Variants in JMJD1C observed in about 807,000 individuals in gnomAD.
The protein encoded by JMJD1C is jumonji domain containing 1C, also known as jumonji domain-containing protein 1C.
In JMJD1C, 31 loss-of-function variants were observed where a neutral mutation model predicts 245.3. The ratio of observed to expected loss-of-function variants is 0.13; its 90% CI spans 0.09 to 0.17. JMJD1C has a LOEUF of 0.17. Among genes scored for constraint, JMJD1C ranks in the 10% least tolerant of loss-of-function variants. JMJD1C has a pLI of 1.00. For synonymous variants in JMJD1C, 1,057 were observed against 1,017.4 expected, an observed-to-expected ratio of 1.04 and a Z score of -0.74; for missense variants, 2,691 against 3,000.2, an observed-to-expected ratio of 0.90 and a Z score of 2.41.
chr10:63,402,541 A>G (rs1209019750), intron 1 of JMJD1C, among the ~76,000 whole-genome samples: 1 of 152,138 alleles, frequency 6.6e-6, no homozygotes, highest in Admixed American at 6.5e-5. Context: ...TGTTTTCTTC[A>G]TGCCACTTTG....
At chr10:63,473,767 G>A (rs1304169560) in intron 1 of JMJD1C, among the ~76,000 whole-genome samples, 1 of 151,934 alleles carries the variant, frequency 6.6e-6, no homozygotes, top group African/African-American at 2.4e-5. Flanking sequence ...TTGGGGCCAG[G>A]CACAGTGGCT....
chr10:63,468,980 C>T (rs148848178), upstream of JMJD1C, among the ~76,000 whole-genome samples: 58 of 152,238 alleles, frequency 3.8e-4, no homozygotes, highest in East Asian at 9.1e-3. Context: ...AAAAAACCCA[C>T]AAACTATTTT....
intron 3 of JMJD1C, among the ~76,000 whole-genome samples, chr10:63,251,342 A>C (rs992950459): frequency 2.6e-5 from 4 of 152,212 alleles, no homozygotes; most frequent in African/African-American, 7.2e-5. Flanking sequence ...TACTAAAATA[A>C]ATGCATTGCA....
At chr10:63,491,383 A>G (rs916408538) in intron 1 of JMJD1C, among the ~76,000 whole-genome samples, 2 of 152,230 alleles carry the variant, frequency 1.3e-5, no homozygotes, top group African/African-American at 2.4e-5. Context: ...TTAGTATTCA[A>G]TAAGATATTA....
rs868680701 is a variant in JMJD1C at position 63,489,032 on chromosome 10, A to G, written n.113+32706T>C. 4.6e-5 allele frequency among the ~76,000 whole-genome samples: 7 copies of G among 152,214 alleles called. 1 individual carries two copies. The South Asian group carries it at 1.4e-3, about 32-fold the overall frequency. ...GATGTCATAGCTGGCATTACATCCT[A>G]GCAAAACACATTACTCATATGTTTG... On this transcript the variant is annotated intron_variant and non_coding_transcript_variant, in intron 1 of 3. Transcript: ENST00000633035.
At chr10:63,324,119 C>T (rs1053417370) in intron 2 of JMJD1C, among the ~76,000 whole-genome samples, 1 of 150,502 alleles carries the variant, frequency 6.6e-6, no homozygotes, top group Admixed American at 6.7e-5. Context: ...TCCTTCCCTA[C>T]TCAGTCTACT....
In JMJD1C at chr10:63,442,467, C is replaced by G. The variant is rs184036201; in HGVS notation, c.168+23028G>C. Among the ~76,000 whole-genome samples the G allele has an allele frequency of 1.0e-3, 152 of 152,234 alleles. 1 individual carries two copies. The highest frequency in any genetic ancestry group is 3.6e-3 in the African/African-American group (151 of 41,546). On this transcript the variant is annotated intron_variant, in intron 1 of 25. Coordinates refer to ENST00000399262, the MANE Select transcript of JMJD1C (RefSeq NM_032776.3). Reference sequence around the variant, plus strand: ...CTTATAAACTTCTAAAAAGAAGAGACTTAGGTCATTATATCATCTGTAACT... The same window carrying G: ...CTTATAAACTTCTAAAAAGAAGAGAGTTAGGTCATTATATCATCTGTAACT...
At chr10:63,431,934 C>G (rs1197940056) in intron 1 of JMJD1C, among the ~76,000 whole-genome samples, 2 of 152,196 alleles carry the variant, frequency 1.3e-5, no homozygotes, top group African/African-American at 2.4e-5. Flanking sequence ...ATCGCTTGAA[C>G]CCAGGGGACA....
chr10:63,221,384 A>G (rs1177700637), intron 3 of JMJD1C, among the ~76,000 whole-genome samples: 5 of 152,086 alleles, frequency 3.3e-5, no homozygotes. Context: ...ATTCTATCTG[A>G]TATGTACTTA....
At chr10:63,316,125 T>C (rs1004657903) in intron 2 of JMJD1C, among the ~76,000 whole-genome samples, 1 of 152,172 alleles carries the variant, frequency 6.6e-6, no homozygotes, top group African/African-American at 2.4e-5. Flanking sequence ...TGAGCTATGG[T>C]TGCACCACTG....
intron 1 of JMJD1C, chr10:63,427,606 C>A: frequency 2.9e-6 from 4 of 1,400,518 alleles, no homozygotes; most frequent in East Asian, 2.3e-5. Context: ...CAACCATGCC[C>A]GGCTGATGGT....
Position 63,206,641 on chromosome 10 carries a change from CCTG to C in JMJD1C, c.5025_5027del (p.Ser1675del). ...TCAGTTTACTTCTTTCTTTGGCACT[CCTG>C]CTGAGAACTCCATTGGGTTTCAAAT... On this transcript the variant is annotated inframe_deletion, in exon 10 of 26. Coordinates refer to ENST00000399262, the MANE Select transcript of JMJD1C (RefSeq NM_032776.3). The C allele has an allele frequency of 1.2e-6, 2 of 1,606,284 alleles. No individual in the cohort carries two copies. Among genetic ancestry groups the C allele is most frequent in the Non-Finnish European group, 8.5e-7 (1 of 1,177,972 alleles).
intron 2 of JMJD1C, among the ~76,000 whole-genome samples, chr10:63,278,227 T>C (rs1378560046): frequency 6.6e-6 from 1 of 151,972 alleles, no homozygotes; most frequent in Non-Finnish European, 1.5e-5. Flanking sequence ...GGCTCACAGC[T>C]GTAATCCCAG....
At chr10:63,413,711 T>G (rs1043290412) in intron 1 of JMJD1C, among the ~76,000 whole-genome samples, 1 of 151,702 alleles carries the variant, frequency 6.6e-6, no homozygotes, top group Non-Finnish European at 1.5e-5. Flanking sequence ...AAGCAAATAT[T>G]TTAACTTTAG....
At chr10:63,206,549 A>G in intron 10 of JMJD1C, 46 bp downstream of exon 10, 2 of 1,457,930 alleles carry the variant, frequency 1.4e-6, no homozygotes, top group Middle Eastern at 2.0e-4. Flanking sequence ...TATAGCTAAA[A>G]CATTCAGCCC....
chr10:63,388,004 A>G (rs1947764320), intron 1 of JMJD1C, among the ~76,000 whole-genome samples: 1 of 152,158 alleles, frequency 6.6e-6, no homozygotes, highest in Admixed American at 6.5e-5. Flanking sequence ...TCATAAAGCT[A>G]CCAAATTTTC....
chr10:63,471,349 C>T (rs1329117610), intron 1 of JMJD1C, among the ~76,000 whole-genome samples: 2 of 152,174 alleles, frequency 1.3e-5, no homozygotes, highest in Non-Finnish European at 2.9e-5. Context: ...TCTCTGCATG[C>T]TAACCATATA....
chr10:63,415,817 C>A (rs1949765219), intron 1 of JMJD1C, among the ~76,000 whole-genome samples: 1 of 152,204 alleles, frequency 6.6e-6, no homozygotes, highest in Non-Finnish European at 1.5e-5. Flanking sequence ...AAGATACAGT[C>A]TGGCAACTGC....
chr10:63,327,991 A>C (rs1214376300), intron 2 of JMJD1C, among the ~76,000 whole-genome samples: 2 of 151,954 alleles, frequency 1.3e-5, no homozygotes, highest in African/African-American at 4.8e-5. Flanking sequence ...GAAAAGTAGT[A>C]AGGCTAGGCG....
Sources: gnomAD v4.1 joint callset for allele counts (sites outside exome capture counted in the v4.1 genomes callset) on GRCh38, gnomAD v4.1.1 for gene constraint, MANE v1.5 for transcripts, NCBI Gene and HGNC (gene_info 2026-07-23, HGNC 2026-07-21) for gene names.